EXOC4: variants seen among roughly 807,000 people sequenced by gnomAD.
EXOC4 encodes SEC8-like 1.
Under a neutral mutation model 107.2 loss-of-function variants are expected in EXOC4, and 71 were observed. The observed-to-expected ratio is 0.66, with a 90% confidence interval of 0.55 to 0.81. EXOC4 has a LOEUF of 0.81. Ranked by LOEUF, EXOC4 falls within the 30% of genes least tolerant of loss-of-function variation. The pLI, the probability that EXOC4 is intolerant of heterozygous loss-of-function variation, is 0.00. For missense variants in EXOC4, 1,108 were observed against 1,189.6 expected, an observed-to-expected ratio of 0.93 and a Z score of 1.01; for synonymous variants, 456 against 441.2, an observed-to-expected ratio of 1.03 and a Z score of -0.42.
chr7:133,779,950 ACACT>A (rs1273434784), intron 10 of EXOC4, among the ~76,000 whole-genome samples: 8 of 152,270 alleles, frequency 5.3e-5, no homozygotes, highest in East Asian at 1.9e-4. Flanking sequence ...AAGAGCTGTA[ACACT>A]CACCACGAAG....
At chr7:133,768,151 G>C (rs1796175664) in intron 10 of EXOC4, 1 of 151,892 alleles carries the variant, frequency 6.6e-6, no homozygotes, top group South Asian at 2.1e-4. Flanking sequence ...AAGAAACCCT[G>C]GTAGGAAACA....
Position 134,003,923 on chromosome 7 carries a change from T to C in EXOC4, c.2349-989T>C, listed in dbSNP as rs746401193. Reference sequence around the variant, plus strand: ...TGCCAAAAAGCACCTGAGAATTGTGTGTGACCAGACTGACACAGGCCATTT... The same window carrying C: ...TGCCAAAAAGCACCTGAGAATTGTGCGTGACCAGACTGACACAGGCCATTT... On this transcript the variant is annotated intron_variant, in intron 15 of 17. Coordinates refer to ENST00000253861, the MANE Select transcript of EXOC4 (RefSeq NM_021807.4). Among the ~76,000 whole-genome samples, 17 of 152,146 alleles carry C rather than the reference T, an allele frequency of 1.1e-4. 1 individual carries two copies. The highest frequency in any genetic ancestry group is 7.2e-4 in the Admixed American group (11 of 15,278).
intron 10 of EXOC4, among the ~76,000 whole-genome samples, chr7:133,769,620 A>C (rs1051138085): frequency 6.6e-6 from 1 of 151,828 alleles, no homozygotes; most frequent in Non-Finnish European, 1.5e-5. Context: ...ACATTTAAGA[A>C]AAAAAAAGAC....
chr7:133,600,609 A>G (rs955657598), intron 9 of EXOC4, among the ~76,000 whole-genome samples: 3 of 152,174 alleles, frequency 2.0e-5, no homozygotes, highest in African/African-American at 7.2e-5. Flanking sequence ...CAGCATTTAC[A>G]TTTACATATG....
At chr7:133,413,352 A>G (rs1055703087) in intron 7 of EXOC4, among the ~76,000 whole-genome samples, 2 of 152,134 alleles carry the variant, frequency 1.3e-5, no homozygotes, top group East Asian at 3.8e-4. Flanking sequence ...GGCATTCTTA[A>G]TTAACTGTAT....
chr7:133,263,374 CTTTTTTTTTTT>C (rs920302686), intron 1 of EXOC4, among the ~76,000 whole-genome samples: 120 of 83,986 alleles, frequency 1.4e-3, no homozygotes, highest in Middle Eastern at 0.016. Context: ...AAAAAGCATT[CTTTTTTTTTTT>C]TTTTTTTTTT....
chr7:133,583,297 A>G (rs1471284554), intron 9 of EXOC4, among the ~76,000 whole-genome samples: 1 of 152,148 alleles, frequency 6.6e-6, no homozygotes, highest in African/African-American at 2.4e-5. Context: ...TTACTCCGAT[A>G]ATCTCTTATG....
intron 17 of EXOC4, among the ~76,000 whole-genome samples, chr7:134,043,492 T>A (rs1461739654): frequency 3.9e-5 from 6 of 152,196 alleles, no homozygotes; most frequent in African/African-American, 2.4e-5. Context: ...ATTTGAAATA[T>A]TTCTCTTTGA....
At position 133,436,961 on chromosome 7, in the gene EXOC4, T is replaced by TA. The variant is rs536157656; in HGVS notation, c.1183-38357dup. Among the ~76,000 whole-genome samples, 136 of 149,602 alleles carry TA rather than the reference T, an allele frequency of 9.1e-4. 1 individual carries two copies. Among genetic ancestry groups the TA allele is most frequent in the East Asian group, 5.5e-3 (28 of 5,122 alleles). Reference sequence around the variant, plus strand: ...TGTCTATAAATTGAGGATGAACTGATAAAAAAAAAATACATCTGAGTGACT... The same window carrying TA: ...TGTCTATAAATTGAGGATGAACTGATAAAAAAAAAAATACATCTGAGTGACT... On this transcript the variant is annotated intron_variant, in intron 7 of 17. Coordinates refer to ENST00000253861, the MANE Select transcript of EXOC4 (RefSeq NM_021807.4).
chr7:134,019,689 G>A (rs1323033646), intron 17 of EXOC4, among the ~76,000 whole-genome samples: 1 of 152,168 alleles, frequency 6.6e-6, no homozygotes, highest in Admixed American at 6.5e-5. Flanking sequence ...CAAAGTCTAT[G>A]TATGCTCTTA....
chr7:133,855,146 T>TATATATAA (rs1563028667), intron 11 of EXOC4, among the ~76,000 whole-genome samples: 35 of 112,244 alleles, frequency 3.1e-4, no homozygotes, highest in Middle Eastern at 4.3e-3. Context: ...TATATATAAA[T>TATATATAA]ATATATATAA....
chr7:133,443,825 A>C (rs2150796204), intron 7 of EXOC4, among the ~76,000 whole-genome samples: 1 of 152,304 alleles, frequency 6.6e-6, no homozygotes, highest in African/African-American at 2.4e-5. Context: ...TGTAGTGCTT[A>C]AGTGTTGGCT....
intron 11 of EXOC4, among the ~76,000 whole-genome samples, chr7:133,841,486 C>T (rs1798023571): frequency 6.6e-6 from 1 of 152,092 alleles, no homozygotes; most frequent in Admixed American, 6.5e-5. Context: ...CCACAATGGG[C>T]AAGGCTTTTT....
chr7:133,740,950 A>G (rs1795551459), intron 10 of EXOC4, among the ~76,000 whole-genome samples: 1 of 152,212 alleles, frequency 6.6e-6, no homozygotes, highest in Non-Finnish European at 1.5e-5. Flanking sequence ...TGTTACAGTG[A>G]GACCCTATTT....
chr7:133,706,259 G>T (rs973662354), intron 10 of EXOC4, among the ~76,000 whole-genome samples: 3 of 152,008 alleles, frequency 2.0e-5, no homozygotes, highest in African/African-American at 7.2e-5. Context: ...TTAAATTATT[G>T]TACTAAAAAT....
At chr7:133,763,012 G>T (rs1169890772) in intron 10 of EXOC4, among the ~76,000 whole-genome samples, 1 of 152,004 alleles carries the variant, frequency 6.6e-6, no homozygotes, top group East Asian at 1.9e-4. Flanking sequence ...ATGCTCCCTG[G>T]CCAAAAGGTT....
chr7:133,288,631 A>G (rs552240325), intron 2 of EXOC4, among the ~76,000 whole-genome samples: 1 of 152,186 alleles, frequency 6.6e-6, no homozygotes, highest in African/African-American at 2.4e-5. Context: ...GAGGTACTTC[A>G]TATTTTCAGA....
At chr7:133,934,361 C>G (rs1271374928) in intron 13 of EXOC4, among the ~76,000 whole-genome samples, 1 of 152,182 alleles carries the variant, frequency 6.6e-6, no homozygotes, top group Non-Finnish European at 1.5e-5. Context: ...TTTCTGTGCT[C>G]TTTTCAGGTT....
chr7:133,580,950 A>G (rs752590536), intron 9 of EXOC4, among the ~76,000 whole-genome samples: 130 of 152,334 alleles, frequency 8.5e-4, no homozygotes, highest in Non-Finnish European at 1.7e-3. Context: ...CCAGTCTGGG[A>G]GGAACTTTTC....
Sources: allele counts gnomAD v4.1 joint callset (sites outside exome capture counted in the v4.1 genomes callset), GRCh38; gene constraint gnomAD v4.1.1; transcripts MANE v1.5; gene names NCBI Gene and HGNC (gene_info 2026-07-23, HGNC 2026-07-21).